The following ASXL1 variants were observed in gnomAD, a reference collection of about 807,000 sequenced individuals.
The protein encoded by ASXL1 is ASXL transcriptional regulator 1, also known as polycomb group protein ASXL1.
A neutral mutation model predicts 89.1 loss-of-function variants in ASXL1; 65 were observed. That is an observed-to-expected ratio of 0.73 (90% CI 0.60 to 0.90). The LOEUF is 0.90. ASXL1 is among the 40% of genes least tolerant of loss of function. The pLI, the probability that ASXL1 is intolerant of heterozygous loss-of-function variation, is 0.00. For synonymous variants in ASXL1, 739 were observed against 746.9 expected (o/e 0.99, Z 0.17); for missense variants, 1,786 against 1,942.9 (o/e 0.92, Z 1.52).
intron 4 of ASXL1, among the ~76,000 whole-genome samples, chr20:32,409,622 T>G (rs2049011531): frequency 6.6e-6 from 1 of 152,164 alleles, no homozygotes; most frequent in South Asian, 2.1e-4. Context: ...ACCTATAGTC[T>G]TAGCTACTCA....
rs761847705 is a variant in ASXL1 at position 32,434,922 on chromosome 20, T to C, written c.2210T>C (p.Val737Ala). The C allele has an allele frequency of 1.2e-6, 2 of 1,614,182 alleles. No homozygotes were observed. The highest frequency in any genetic ancestry group is 1.7e-5 in the Admixed American group (1 of 60,020). The stretch of plus-strand genomic sequence containing the variant: ...AGCTGCCTACTACAGAGGGCTACAG[T>C]TGGACTCACAGATGGGCTAGGAGAT... ...EESCLLQRATVGLTDGLGDAS... is the reference protein window; with the variant it reads ...EESCLLQRATAGLTDGLGDAS... Residue 737 changes from valine (V) to alanine (A), a missense_variant, in exon 13 of 13, where the codon GTT (valine) becomes GCT (alanine). Transcript: ENST00000375687.
At chr20:32,422,702 T>G (rs2011176304) in intron 4 of ASXL1, among the ~76,000 whole-genome samples, 1 of 150,036 alleles carries the variant, frequency 6.7e-6, no homozygotes, top group African/African-American at 2.5e-5. Context: ...TTCTTGTGCC[T>G]CAGCCTCCCG....
chr20:32,433,526 C>G lies in ASXL1; in HGVS notation c.1328C>G (p.Ala443Gly), dbSNP rs1351336989. The G allele has an allele frequency of 6.2e-7, 1 of 1,614,118 alleles. No individual in the cohort carries two copies. Among genetic ancestry groups the G allele is most frequent in the South Asian group, 1.1e-5 (1 of 91,086 alleles). The change falls in exon 12 of 13, where the codon GCC becomes GGC. Residue 443 changes from alanine to glycine, a missense_variant. Ala to Gly is a moderately conservative substitution (Grantham distance 60). Coordinates refer to ENST00000375687, the MANE Select transcript of ASXL1 (RefSeq NM_015338.6). ...AGVAKDAKSV[A>G]SDVPLYKDGE... ...GTTGCTAAGGATGCAAAATCTGTGGCCTCAGATGTTCCCCTCTACAAGGAT... is the reference window on the plus strand; with the variant it reads ...GTTGCTAAGGATGCAAAATCTGTGGGCTCAGATGTTCCCCTCTACAAGGAT...
intron 4 of ASXL1, among the ~76,000 whole-genome samples, chr20:32,423,242 T>A (rs1248926323): frequency 1.3e-5 from 2 of 152,050 alleles, no homozygotes; most frequent in South Asian, 4.1e-4. Context: ...TTTAATTTTT[T>A]ATTTTTTGAG....
intron 1 of ASXL1, chr20:32,360,290 G>A (rs2048088636): frequency 6.5e-6 from 1 of 153,940 alleles, no homozygotes; most frequent in African/African-American, 2.4e-5. Context: ...GTTTATTTTG[G>A]CCTGGCATGT....
intron 4 of ASXL1, among the ~76,000 whole-genome samples, chr20:32,373,367 A>C (rs1259408567): frequency 6.6e-6 from 1 of 151,712 alleles, no homozygotes; most frequent in Non-Finnish European, 1.5e-5. Context: ...ACAAGAGTGA[A>C]GCTCCATCTC....
Position 32,431,321 on chromosome 20 carries a change from G to C in ASXL1, c.719G>C (p.Gly240Ala). 6.2e-7 allele frequency: 1 copy of C among 1,614,132 alleles called. No individual in the cohort carries two copies. The highest frequency in any genetic ancestry group is 8.5e-7 in the Non-Finnish European group (1 of 1,180,030). ...CTATACCTTGCTTCAAAAATCATAG[G>C]TCAAATGAAGCGCAACAGAGGGGAA... Reference protein sequence around the residue: ...LLRGFRKPATGQMKRNRGEEI... With the variant: ...LLRGFRKPATAQMKRNRGEEI... Residue 240 changes from glycine to alanine, a missense_variant and splice_region_variant, in exon 9 of 13, where the codon GGT becomes GCT. By Grantham distance (60) the Gly-to-Ala change is moderately conservative. This residue lies in a region of ASXL1 where 332 missense variants were observed against 449.7 expected (regional missense o/e 0.74). Transcript: ENST00000375687.
At position 32,435,804 on chromosome 20, in the gene ASXL1, A is replaced by T; in HGVS notation, c.3092A>T (p.Lys1031Met). 6.2e-7 allele frequency: 1 copy of T among 1,614,228 alleles called. No individual in the cohort carries two copies. The highest frequency in any genetic ancestry group is 8.5e-7 in the Non-Finnish European group (1 of 1,180,042). Residue 1031 changes from lysine (K) to methionine (M), a missense_variant, in exon 13 of 13, where the codon AAG (lysine) becomes ATG (methionine). Coordinates refer to ENST00000375687, the MANE Select transcript of ASXL1 (RefSeq NM_015338.6). The stretch of plus-strand genomic sequence containing the variant: ...GTGACAAAGGGATCTTCGGTGGACA[A>T]GGATGAGAAACCCAATTGGAACCAA... Reference protein sequence around the residue: ...AAVTKGSSVDKDEKPNWNQSA... With the variant: ...AAVTKGSSVDMDEKPNWNQSA...
intron 4 of ASXL1, among the ~76,000 whole-genome samples, chr20:32,387,641 G>A (rs1377866628): frequency 1.3e-5 from 2 of 152,176 alleles, no homozygotes; most frequent in Admixed American, 6.5e-5. Context: ...CAGTTCAGGG[G>A]ATGAATCTGC....
chr20:32,415,572 G>C (rs988947755), intron 4 of ASXL1, among the ~76,000 whole-genome samples: 1 of 152,144 alleles, frequency 6.6e-6, no homozygotes, highest in African/African-American at 2.4e-5. Flanking sequence ...CTCAACTCTT[G>C]TCTGCAGTGG....
chr20:32,362,542 C>G (rs986675193), intron 1 of ASXL1, among the ~76,000 whole-genome samples: 1 of 151,902 alleles, frequency 6.6e-6, no homozygotes, highest in Non-Finnish European at 1.5e-5. Context: ...AGGCTGAGGC[C>G]GGAGAATGGC....
intron 1 of ASXL1, among the ~76,000 whole-genome samples, chr20:32,364,559 G>C (rs111708696): frequency 1.3e-5 from 2 of 152,112 alleles, no homozygotes; most frequent in Non-Finnish European, 2.9e-5. Flanking sequence ...AGGTTTCACT[G>C]TGTTACCCAG....
intron 11 of ASXL1, 21 bp from the exon 12 acceptor site, chr20:32,433,263 G>T (rs752649496): frequency 1.9e-6 from 3 of 1,614,074 alleles, no homozygotes; most frequent in Non-Finnish European, 2.5e-6. Flanking sequence ...TGAAACTGAT[G>T]GCTGTGATTT....
intron 4 of ASXL1, among the ~76,000 whole-genome samples, chr20:32,392,364 C>T (rs2048688106): frequency 6.6e-6 from 1 of 151,364 alleles, no homozygotes; most frequent in Non-Finnish European, 1.5e-5. Context: ...CTCACCGCAG[C>T]CTCTGCCTCC....
In ASXL1 at chr20:32,404,385, G is replaced by GT. The variant is rs199601555; in HGVS notation, c.253-23735dup. 7.1e-3 allele frequency among the ~76,000 whole-genome samples: 1,076 copies of GT among 151,976 alleles called. 13 individuals are homozygous for GT. Among genetic ancestry groups the GT allele is most frequent in the African/African-American group, 0.024 (982 of 41,482 alleles). ...TACAGTTTTGTTAGATATATACCTA[G>GT]TTTTTTTTGGTAAACTATTATAAAT... On this transcript the variant is annotated intron_variant, in intron 4 of 12. Transcript: ENST00000375687.
chr20:32,416,027 G>T (rs1409428568), intron 4 of ASXL1, among the ~76,000 whole-genome samples: 2 of 152,144 alleles, frequency 1.3e-5, no homozygotes, highest in African/African-American at 4.8e-5. Flanking sequence ...AAAGATGTCA[G>T]TTCTTCCCAA....
intron 4 of ASXL1, among the ~76,000 whole-genome samples, chr20:32,395,078 T>C (rs1260368159): frequency 1.3e-5 from 2 of 152,226 alleles, no homozygotes; most frequent in Non-Finnish European, 2.9e-5. Flanking sequence ...TCTGGTGTTC[T>C]TTATTGCCTA....
At chr20:32,399,746 T>TA (rs1569283078) in intron 4 of ASXL1, among the ~76,000 whole-genome samples, 2,799 of 98,434 alleles carry the variant, frequency 0.028, 409 homozygotes, top group East Asian at 0.11. Context: ...CATATTTTAC[T>TA]CTTTTTTTTT....
At chr20:32,389,653 T>A (rs1264340796) in intron 4 of ASXL1, among the ~76,000 whole-genome samples, 1 of 152,148 alleles carries the variant, frequency 6.6e-6, no homozygotes, top group Non-Finnish European at 1.5e-5. Flanking sequence ...TGGCACAATC[T>A]CGGCTCACTG....
Sources: allele counts gnomAD v4.1 joint callset (sites outside exome capture counted in the v4.1 genomes callset), GRCh38; gene constraint gnomAD v4.1.1; regional missense constraint gnomAD v4.1.1; transcripts MANE v1.5; gene names NCBI Gene and HGNC (gene_info 2026-07-23, HGNC 2026-07-21).